Variants in SRR observed in about 807,000 individuals in gnomAD.
The protein encoded by SRR is D-serine ammonia-lyase.
SRR carries 19 observed loss-of-function variants against 32.7 expected under a neutral mutation model. The ratio of observed to expected loss-of-function variants is 0.58; its 90% CI spans 0.40 to 0.85. SRR has a LOEUF of 0.85. SRR is among the 40% of genes least tolerant of loss of function. The probability of loss-of-function intolerance (pLI) is 0.00; values close to 1 mark genes in which losing one functional copy is unlikely to be tolerated. For missense variants in SRR, 373 were observed against 404.7 expected, an observed-to-expected ratio of 0.92 and a Z score of 0.67; for synonymous variants, 142 against 140.9, an observed-to-expected ratio of 1.01 and a Z score of -0.06.
chr17:2,315,482 G>A lies in SRR; in HGVS notation c.-4-75G>A, dbSNP rs571704068. The A allele has an allele frequency of 1.1e-4, 152 of 1,410,488 alleles. 1 individual carries two copies. In the South Asian group the frequency reaches 1.9e-3, roughly 18 times the overall value. The allele number at this position is 1,410,488 out of a possible 1,614,324, so 87.4% of individuals were successfully genotyped here. A position where few individuals can be genotyped will look rare whatever the true frequency, so the allele number is the denominator to read the frequency against. ...ACAGGCCCCAGGTCTATTCTGTTAC[G>A]TATTTTCAAAATCTCTTCAATAAAC... On this transcript the variant is annotated intron_variant, in intron 1 of 7. Transcript: ENST00000344595.
intron 1 of SRR, among the ~76,000 whole-genome samples, chr17:2,308,951 C>T (rs2075414203): frequency 1.3e-5 from 2 of 151,744 alleles, no homozygotes; most frequent in South Asian, 2.1e-4. Context: ...AAACCCTGTC[C>T]CTACTAAATA....
intron 6 of SRR, among the ~76,000 whole-genome samples, 159 bp downstream of exon 6, chr17:2,321,775 A>C (rs1352048545): frequency 6.6e-6 from 1 of 151,836 alleles, no homozygotes; most frequent in Non-Finnish European, 1.5e-5. Context: ...TCACTACTCT[A>C]TTTACTATTA....
At position 2,324,866 on chromosome 17, in the gene SRR, ACAG is replaced by A. The variant is rs770682686; in HGVS notation, c.*994_*996del. The A allele has an allele frequency of 1.3e-6, 2 of 1,588,180 alleles. No individual in the cohort carries two copies. The highest frequency in any genetic ancestry group is 1.7e-6 in the Non-Finnish European group (2 of 1,170,714). On this transcript the variant is annotated 3_prime_UTR_variant, in exon 8 of 8. Coordinates refer to ENST00000344595, the MANE Select transcript of SRR (RefSeq NM_021947.3). ...AAGCAAAGAAGCTATTTAGGAATTT[ACAG>A]GCCAAAGTCTTCATTTATTGCCCAG...
chr17:2,305,037 G>A (rs761208130), intron 1 of SRR, among the ~76,000 whole-genome samples: 7 of 152,224 alleles, frequency 4.6e-5, no homozygotes, highest in Middle Eastern at 3.4e-3. Flanking sequence ...AGTCTGAGCC[G>A]AAGGGATTGC....
At position 2,324,982 on chromosome 17, in the gene SRR, C is replaced by G. The variant is rs964940364; in HGVS notation, c.*1109C>G. On this transcript the variant is annotated 3_prime_UTR_variant, in exon 8 of 8. Coordinates refer to ENST00000344595, the MANE Select transcript of SRR (RefSeq NM_021947.3). ...AAGATTGGTAAACTGTAAGCCCACACTTAACCTTGTCAATAGGTTCTTGAA... is the reference window on the plus strand; with the variant it reads ...AAGATTGGTAAACTGTAAGCCCACAGTTAACCTTGTCAATAGGTTCTTGAA... The G allele has an allele frequency of 1.7e-5, 14 of 801,150 alleles. No homozygotes were observed. The African/African-American group carries it at 2.4e-4, about 14-fold the overall frequency. The allele number at this position is 801,150 out of a possible 1,614,324, so 49.6% of individuals were successfully genotyped here.
chr17:2,313,149 G>A (rs1719031717), intron 1 of SRR, among the ~76,000 whole-genome samples: 2 of 152,184 alleles, frequency 1.3e-5, no homozygotes, highest in Non-Finnish European at 2.9e-5. Context: ...GTTGGATAAA[G>A]CCGGGCGCAG....
In SRR at chr17:2,307,267, G is replaced by A. The variant is rs1182428641; in HGVS notation, c.-5+3250G>A. ...GACTGTCATTCAGAAATACCATACT[G>A]TGAATGGCCACAACTGTGAAATTAG... On this transcript the variant is annotated intron_variant, in intron 1 of 7. Transcript: ENST00000344595. The A allele has an allele frequency of 2.6e-6, 3 of 1,164,026 alleles. No individual in the cohort carries two copies. The African/African-American group carries it at 4.5e-5, about 17-fold the overall frequency. The allele number at this position is 1,164,026 out of a possible 1,614,324, so 72.1% of individuals were successfully genotyped here.
At chr17:2,320,113 T>C (rs371372028) in intron 4 of SRR, among the ~76,000 whole-genome samples, 22 of 151,734 alleles carry the variant, frequency 1.4e-4, no homozygotes, top group Non-Finnish European at 1.0e-4. Flanking sequence ...CCACCACGCC[T>C]GGCCAGAACT....
At position 2,325,135 on chromosome 17, in the gene SRR, TGGA is replaced by T; in HGVS notation, c.*1264_*1266del. Reference sequence around the variant, plus strand: ...GCTATACACTGTTTCACGTAAAAGTTGGAGTTTTCATTGTTCTATTAACAATGT... The same window carrying T: ...GCTATACACTGTTTCACGTAAAAGTTGTTTTCATTGTTCTATTAACAATGT... On this transcript the variant is annotated 3_prime_UTR_variant, in exon 8 of 8. Transcript: ENST00000344595. The T allele has an allele frequency of 1.6e-6, 1 of 620,058 alleles. No homozygotes were observed. Among genetic ancestry groups the T allele is most frequent in the Non-Finnish European group, 2.7e-6 (1 of 368,062 alleles). The allele number at this position is 620,058 out of a possible 1,614,324, so 38.4% of individuals were successfully genotyped here.
chr17:2,325,133 G>A lies in SRR; in HGVS notation c.*1260G>A. On this transcript the variant is annotated 3_prime_UTR_variant, in exon 8 of 8. Transcript: ENST00000344595. ...TGGCTATACACTGTTTCACGTAAAA[G>A]TTGGAGTTTTCATTGTTCTATTAAC... The A allele has an allele frequency of 6.5e-6, 4 of 616,308 alleles. No homozygotes were observed. The South Asian group carries it at 9.3e-5, about 14-fold the overall frequency. The allele number at this position is 616,308 out of a possible 1,614,324, so 38.2% of individuals were successfully genotyped here. A position where few individuals can be genotyped will look rare whatever the true frequency, so the allele number is the denominator to read the frequency against.
At position 2,319,857 on chromosome 17, in the gene SRR, C is replaced by T. The variant is rs1035790721; in HGVS notation, c.399+928C>T. 5.1e-5 allele frequency among the ~76,000 whole-genome samples: 7 copies of T among 136,590 alleles called. No homozygotes were observed. In the South Asian group the frequency reaches 6.7e-4, roughly 13 times the overall value. 89.6% of individuals were successfully genotyped at this position (136,590 alleles called of 152,430 possible). On this transcript the variant is annotated intron_variant, in intron 4 of 7. Transcript: ENST00000344595. ...TTTTTGAGGCGGAGTCTTGCTCTGT[C>T]GCCCAAGCTGGAGTGCAGTGGTGCC...
intron 1 of SRR, among the ~76,000 whole-genome samples, chr17:2,315,016 G>A (rs1440389187): frequency 2.0e-5 from 3 of 152,038 alleles, no homozygotes; most frequent in African/African-American, 7.2e-5. Context: ...GGCCGAGGCA[G>A]GCGGATCACG....
chr17:2,310,135 C>T (rs530262071), intron 1 of SRR: 2 of 152,150 alleles, frequency 1.3e-5, no homozygotes, highest in South Asian at 4.2e-4. Flanking sequence ...CTTGTGCCTA[C>T]TAAGGTAGTA....
rs747437340 is a variant in SRR at position 2,324,193 on chromosome 17, C to T, written c.*320C>T. Reference sequence around the variant, plus strand: ...CCGGTAAGACAGAATCTCTTTGAATCCATTACTCCATGCCCCCTTGAGGCA... The same window carrying T: ...CCGGTAAGACAGAATCTCTTTGAATTCATTACTCCATGCCCCCTTGAGGCA... On this transcript the variant is annotated 3_prime_UTR_variant, in exon 8 of 8. Transcript: ENST00000344595. The T allele has an allele frequency of 1.2e-5, 18 of 1,518,034 alleles. No individual in the cohort carries two copies. Among genetic ancestry groups the T allele is most frequent in the Non-Finnish European group, 1.6e-5 (18 of 1,137,826 alleles). 94.0% of individuals were successfully genotyped at this position (1,518,034 alleles called of 1,614,324 possible). A position where few individuals can be genotyped will look rare whatever the true frequency, so the allele number is the denominator to read the frequency against.
intron 4 of SRR, among the ~76,000 whole-genome samples, chr17:2,319,600 CCT>C (rs1178826838): frequency 6.6e-6 from 1 of 151,830 alleles, no homozygotes; most frequent in African/African-American, 2.4e-5. Context: ...CTCTGATAAC[CCT>C]CTCATACCCC....
At chr17:2,303,870 T>A (rs1277378116), upstream of SRR, 5 of 450,846 alleles carry the variant, frequency 1.1e-5, no homozygotes, top group Middle Eastern at 6.8e-4. Flanking sequence ...GTGGCCGCGC[T>A]GGGAGGAAAA....
upstream of SRR, chr17:2,303,844 C>T (rs2075349414): frequency 6.3e-6 from 5 of 790,348 alleles, no homozygotes; most frequent in Non-Finnish European, 1.9e-6. Flanking sequence ...CTGCCGCCCT[C>T]CCTTTCCGAA....
chr17:2,303,550 G>A, upstream of SRR: 1 of 1,346,276 alleles, frequency 7.4e-7, no homozygotes, highest in Non-Finnish European at 9.5e-7. Context: ...CGGAGCCGAG[G>A]GCCGAGCGGG....
chr17:2,303,810 C>A, upstream of SRR: 1 of 1,108,632 alleles, frequency 9.0e-7, no homozygotes, highest in South Asian at 1.5e-5. Context: ...CGCGCTCGCC[C>A]ACCTCCCGGC....
Sources: gnomAD v4.1 joint callset for allele counts (sites outside exome capture counted in the v4.1 genomes callset) on GRCh38, gnomAD v4.1.1 for gene constraint, MANE v1.5 for transcripts, NCBI Gene and HGNC (gene_info 2026-07-23, HGNC 2026-07-21) for gene names.